KIF5C: variants seen among roughly 807,000 people sequenced by gnomAD.
The protein encoded by KIF5C is kinesin heavy chain isoform 5C.
Under a neutral mutation model 125.2 loss-of-function variants are expected in KIF5C, and 18 were observed. The observed-to-expected ratio is 0.14, with a 90% CI of 0.10 to 0.21. The LOEUF is 0.21. KIF5C is among the 10% of genes least tolerant of loss of function. The pLI, the probability that KIF5C is intolerant of heterozygous loss-of-function variation, is 1.00. For synonymous variants in KIF5C, 405 were observed against 434.0 expected (o/e 0.93, Z 0.83); for missense variants, 780 against 1,183.8 (o/e 0.66, Z 5.01).
chr2:149,022,042 A>G (rs2105216218), intron 25 of KIF5C, among the ~76,000 whole-genome samples: 1 of 152,210 alleles, frequency 6.6e-6, no homozygotes, highest in Admixed American at 6.5e-5. Flanking sequence ...CACCAGCCGA[A>G]CTTCTGGTGG....
In KIF5C at chr2:149,024,368, T is replaced by C. The variant is rs1197671233; in HGVS notation, c.*1298T>C. On this transcript the variant is annotated 3_prime_UTR_variant, in exon 26 of 26. Transcript: ENST00000435030. ...GGTAAGTCAATGACAACCAAACCAA[T>C]CTCGGTGGAAACTCCTATCCTATCA... 1 of 152,470 alleles carries C rather than the reference T, an allele frequency of 6.6e-6. No homozygotes were observed. Among genetic ancestry groups the C allele is most frequent in the Non-Finnish European group, 1.5e-5 (1 of 68,010 alleles). The allele number at this position is 152,470 out of a possible 1,614,324, so 9.4% of individuals were successfully genotyped here. A position where few individuals can be genotyped will look rare whatever the true frequency, so the allele number is the denominator to read the frequency against.
intron 9 of KIF5C, 28 bp downstream of exon 9, chr2:148,949,971 G>A (rs1179950639): frequency 6.2e-7 from 1 of 1,600,904 alleles, no homozygotes; most frequent in Non-Finnish European, 8.5e-7. Flanking sequence ...CATCTATTAA[G>A]TAATATTATG....
intron 1 of KIF5C, among the ~76,000 whole-genome samples, chr2:148,907,823 G>A (rs1274082288): frequency 1.3e-5 from 2 of 152,188 alleles, no homozygotes; most frequent in Non-Finnish European, 2.9e-5. Context: ...CTGTGGCTCA[G>A]GGGCAGTCAA....
chr2:149,015,165 G>C (rs1238660460), intron 25 of KIF5C, among the ~76,000 whole-genome samples: 2 of 152,204 alleles, frequency 1.3e-5, no homozygotes, highest in African/African-American at 2.4e-5. Context: ...TCCAGCCTAG[G>C]TGACAAAGTG....
In KIF5C at chr2:148,991,200, T is replaced by TG. The variant is rs554501380; in HGVS notation, c.1905+5dup. On this transcript the variant is annotated splice_region_variant and intron_variant, in intron 16 of 25. Transcript: ENST00000435030. ...GCCTGCCAGCTGCTCATCTCCCAGG[T>TG]GGGCCCTTCCCTTCCCCATCATTGC... 2.9e-4 allele frequency: 463 copies of TG among 1,612,966 alleles called. 9 individuals carry two copies. In the East Asian group the frequency reaches 0.01, roughly 36 times the overall value.
At chr2:148,915,693 G>T (rs935140956) in intron 1 of KIF5C, among the ~76,000 whole-genome samples, 1 of 152,218 alleles carries the variant, frequency 6.6e-6, no homozygotes, top group African/African-American at 2.4e-5. Flanking sequence ...CTTACTTGGG[G>T]CTCCCCCAGA....
rs1222441430 is a variant in KIF5C, at chr2:148,924,484, G to A, written c.217+2257G>A. 7.0e-6 allele frequency among the ~76,000 whole-genome samples: 1 copy of A among 143,832 alleles called. No individual in the cohort carries two copies. The highest frequency in any genetic ancestry group is 1.5e-5 in the Non-Finnish European group (1 of 67,284). 94.4% of individuals were successfully genotyped at this position (143,832 alleles called of 152,430 possible). Reference sequence around the variant, plus strand: ...TTTTTCATTCCCTACCACTTCACTGGGTTAAAAAAAATATATTTTAAATGT... The same window carrying A: ...TTTTTCATTCCCTACCACTTCACTGAGTTAAAAAAAATATATTTTAAATGT... On this transcript the variant is annotated intron_variant, in intron 2 of 25. Transcript: ENST00000435030. The surrounding 1 kb of genome is among the most constrained non-coding windows in gnomAD (Gnocchi z 4.0).
At chr2:148,985,600 G>A (rs1314794976) in intron 15 of KIF5C, among the ~76,000 whole-genome samples, 1 of 152,140 alleles carries the variant, frequency 6.6e-6, no homozygotes, top group East Asian at 1.9e-4. Context: ...CTGGGGAATG[G>A]TATTACATTG....
chr2:149,007,016 C>T (rs753012849), intron 22 of KIF5C, among the ~76,000 whole-genome samples: 7 of 152,132 alleles, frequency 4.6e-5, no homozygotes, highest in African/African-American at 7.2e-5. Context: ...GTTTTTCTGC[C>T]GGTGGTTCTC....
intron 1 of KIF5C, among the ~76,000 whole-genome samples, 158 bp from the exon 2 acceptor site, chr2:148,921,979 T>A (rs774364627): frequency 1.3e-5 from 2 of 152,266 alleles, no homozygotes; most frequent in Admixed American, 6.5e-5. Context: ...GTGTGGTTTA[T>A]GCTGTAAAAA....
intron 3 of KIF5C, among the ~76,000 whole-genome samples, chr2:148,934,271 A>G (rs1268618662): frequency 6.6e-6 from 1 of 151,586 alleles, no homozygotes; most frequent in Non-Finnish European, 1.5e-5. Context: ...CACACCACAC[A>G]CCACACACTA....
chr2:148,947,778 A>G, intron 8 of KIF5C: 2 of 408,630 alleles, frequency 4.9e-6, no homozygotes, highest in Non-Finnish European at 1.0e-5. Flanking sequence ...CTCGAGCAAC[A>G]TCATAGAGCA....
chr2:148,947,044 A>G (rs917193448), intron 8 of KIF5C, 21 bp downstream of exon 8: 2 of 1,587,718 alleles, frequency 1.3e-6, no homozygotes, highest in African/African-American at 1.4e-5. Context: ...CTTTATTTGT[A>G]TTATCTATAA....
At chr2:148,982,569 T>C (rs1681265264) in intron 14 of KIF5C, among the ~76,000 whole-genome samples, 1 of 152,236 alleles carries the variant, frequency 6.6e-6, no homozygotes, top group Non-Finnish European at 1.5e-5. Context: ...GGAAGACTTT[T>C]CTAGCAGCTT....
chr2:148,976,563 T>C (rs113168685), intron 12 of KIF5C, among the ~76,000 whole-genome samples: 1,704 of 151,736 alleles, frequency 0.011, 29 homozygotes, highest in African/African-American at 0.039. Context: ...CCACCACGCC[T>C]GGCCGCATGT....
chr2:149,017,936 C>T (rs1359198091), intron 25 of KIF5C, among the ~76,000 whole-genome samples: 1 of 152,080 alleles, frequency 6.6e-6, no homozygotes, highest in African/African-American at 2.4e-5. Flanking sequence ...AAATAAAGAG[C>T]TAGGTGCAAT....
intron 1 of KIF5C, 143 bp downstream of exon 1, chr2:148,875,886 C>G (rs1044269868): frequency 8.2e-7 from 1 of 1,221,260 alleles, no homozygotes; most frequent in Non-Finnish European, 1.1e-6. Context: ...GACCAGAGAC[C>G]CCTCGCCCCG....
chr2:148,881,638 G>C (rs1283150266), intron 1 of KIF5C, among the ~76,000 whole-genome samples: 1 of 151,932 alleles, frequency 6.6e-6, no homozygotes, highest in African/African-American at 2.4e-5. Flanking sequence ...CCTATTTAAT[G>C]ATGTTTTCCA....
rs1169939706 is a variant in KIF5C, at chr2:149,011,566, A to G, written c.2768-4A>G. On this transcript the variant is annotated splice_polypyrimidine_tract_variant and splice_region_variant and intron_variant, in intron 24 of 25. Coordinates refer to ENST00000435030, the MANE Select transcript of KIF5C (RefSeq NM_004522.3). ...TCTCTCTTCTTTCTGTTGGTTGGAT[A>G]CAGCCAAGCCCATCCGCCCCGGACA... 6.2e-7 allele frequency: 1 copy of G among 1,613,806 alleles called. No homozygotes were observed. Among genetic ancestry groups the G allele is most frequent in the Non-Finnish European group, 8.5e-7 (1 of 1,179,828 alleles).
Sources: allele counts gnomAD v4.1 joint callset (sites outside exome capture counted in the v4.1 genomes callset), GRCh38; gene constraint gnomAD v4.1.1; non-coding constraint Gnocchi (gnomAD v3.1); transcripts MANE v1.5; gene names NCBI Gene and HGNC (gene_info 2026-07-23, HGNC 2026-07-21).